Variants in ULK4 observed in about 807,000 individuals in gnomAD.
The protein encoded by ULK4 is inactive serine/threonine-protein kinase ULK4.
ULK4 carries 133 observed loss-of-function variants against 160.6 expected under a neutral mutation model. The observed-to-expected ratio is 0.83, with a 90% CI of 0.72 to 0.96. ULK4 has a LOEUF of 0.96. Among genes scored for constraint, ULK4 ranks in the 40% least tolerant of loss-of-function variants. The pLI is 0.00. For missense variants in ULK4, 1,580 were observed against 1,499.5 expected, an observed-to-expected ratio of 1.05 and a Z score of -0.89; for synonymous variants, 534 against 539.8, an observed-to-expected ratio of 0.99 and a Z score of 0.15.
At chr3:41,299,790 A>G (rs992224401) in intron 35 of ULK4, among the ~76,000 whole-genome samples, 1 of 152,210 alleles carries the variant, frequency 6.6e-6, no homozygotes, top group Non-Finnish European at 1.5e-5. Context: ...ATTTATTATA[A>G]TAATCACTAA....
At chr3:41,611,015 T>C (rs988497461) in intron 31 of ULK4, among the ~76,000 whole-genome samples, 6 of 152,208 alleles carry the variant, frequency 3.9e-5, no homozygotes, top group African/African-American at 1.4e-4. Flanking sequence ...AAGCAACTTA[T>C]ACTCTTTTGA....
intron 22 of ULK4, among the ~76,000 whole-genome samples, chr3:41,721,073 TAAGAA>T (rs2037436948): frequency 1.3e-5 from 2 of 151,680 alleles, no homozygotes; most frequent in African/African-American, 2.4e-5. Flanking sequence ...GATATGTTTT[TAAGAA>T]AATAAGCAAA....
chr3:41,622,220 A>G (rs755173182), intron 30 of ULK4, among the ~76,000 whole-genome samples: 33 of 152,230 alleles, frequency 2.2e-4, no homozygotes, highest in Admixed American at 7.2e-4. Flanking sequence ...TCAAGGATCT[A>G]GAACCAGAAA....
intron 8 of ULK4, chr3:41,915,554 G>C (rs1034475866): frequency 1.2e-5 from 2 of 160,628 alleles, no homozygotes; most frequent in African/African-American, 2.4e-5. Context: ...ATTATGACAG[G>C]AGTGTCATAA....
Position 41,394,418 on chromosome 3 carries a change from C to T in ULK4, c.3678+3661G>A, listed in dbSNP as rs545157431. 3.3e-5 allele frequency among the ~76,000 whole-genome samples: 5 copies of T among 152,174 alleles called. No individual in the cohort carries two copies. The East Asian group carries it at 5.8e-4, about 18-fold the overall frequency. On this transcript the variant is annotated intron_variant, in intron 35 of 36. Coordinates refer to ENST00000301831, the MANE Select transcript of ULK4 (RefSeq NM_017886.4). ...CCAATAAACCCATCATAATGTAAGT[C>T]GAAAATGCATTTAGTACACCTAACC... is the stretch of plus-strand genomic sequence containing the variant.
intron 35 of ULK4, among the ~76,000 whole-genome samples, chr3:41,371,901 A>G (rs1013850227): frequency 1.3e-5 from 2 of 152,010 alleles, no homozygotes. Context: ...CCTTGATAAA[A>G]GGTTAGAGGA....
chr3:41,801,449 T>C (rs2040457449), intron 19 of ULK4, among the ~76,000 whole-genome samples: 1 of 151,766 alleles, frequency 6.6e-6, no homozygotes, highest in African/African-American at 2.4e-5. Context: ...AAACTGGTAA[T>C]TCCAGGTCTC....
At chr3:41,796,750 G>A (rs2040311280) in intron 20 of ULK4, among the ~76,000 whole-genome samples, 1 of 152,066 alleles carries the variant, frequency 6.6e-6, no homozygotes, top group South Asian at 2.1e-4. Flanking sequence ...ATCTAGCTTT[G>A]AATAGTGAGA....
rs1575588427 is a variant in ULK4 at position 41,704,974 on chromosome 3, A to G, written c.2781+83T>C. 6 of 1,048,324 alleles carry G rather than the reference A, an allele frequency of 5.7e-6. No individual in the cohort carries two copies. In the East Asian group the frequency reaches 1.2e-4, roughly 22 times the overall value. The allele number at this position is 1,048,324 out of a possible 1,614,324, so 64.9% of individuals were successfully genotyped here. A position where few individuals can be genotyped will look rare whatever the true frequency, so the allele number is the denominator to read the frequency against. Reference sequence around the variant, plus strand: ...TCATGTGAGGAACACATATGAGCCAAGCACTGTAAACGAGGCCTCTTTATA... The same window carrying G: ...TCATGTGAGGAACACATATGAGCCAGGCACTGTAAACGAGGCCTCTTTATA... On this transcript the variant is annotated intron_variant, in intron 27 of 36. Coordinates refer to ENST00000301831, the MANE Select transcript of ULK4 (RefSeq NM_017886.4).
At chr3:41,794,659 TCAAAA>T (rs1159068185) in intron 20 of ULK4, among the ~76,000 whole-genome samples, 1 of 7,878 alleles carries the variant, frequency 1.3e-4, no homozygotes. Flanking sequence ...AGACTCTGTC[TCAAAA>T]AAAAAAAAAA....
At chr3:41,503,702 T>C (rs2125917748) in intron 32 of ULK4, among the ~76,000 whole-genome samples, 1 of 152,346 alleles carries the variant, frequency 6.6e-6, no homozygotes, top group Non-Finnish European at 1.5e-5. Context: ...ACGTATGTAA[T>C]TAGCATTTAG....
chr3:41,295,220 GT>G (rs1246105636), intron 35 of ULK4, among the ~76,000 whole-genome samples: 13 of 75,786 alleles, frequency 1.7e-4, no homozygotes, highest in South Asian at 4.7e-4. Context: ...TCAAGAAATA[GT>G]GTTGGAACAA....
chr3:41,626,816 G>A (rs1266941124), intron 30 of ULK4, among the ~76,000 whole-genome samples: 3 of 152,098 alleles, frequency 2.0e-5, no homozygotes, highest in Admixed American at 6.5e-5. Flanking sequence ...GTGAGCCACC[G>A]TGCCTGGCCA....
chr3:41,257,949 T>C (rs1002261153), intron 35 of ULK4, among the ~76,000 whole-genome samples: 3 of 152,188 alleles, frequency 2.0e-5, no homozygotes, highest in African/African-American at 2.4e-5. Flanking sequence ...TGAATTTACC[T>C]TGCTAAATTA....
chr3:41,752,921 A>G (rs373080336), intron 22 of ULK4, among the ~76,000 whole-genome samples: 2 of 152,230 alleles, frequency 1.3e-5, no homozygotes, highest in East Asian at 3.9e-4. Flanking sequence ...ATGTCAATAA[A>G]AAACATGTGG....
chr3:41,313,303 G>C (rs769248538), intron 35 of ULK4, among the ~76,000 whole-genome samples: 2 of 152,206 alleles, frequency 1.3e-5, no homozygotes, highest in Non-Finnish European at 2.9e-5. Context: ...TCATATGGTT[G>C]TTGTGAGAAT....
At chr3:41,314,642 AGTG>A (rs2080113870) in intron 35 of ULK4, among the ~76,000 whole-genome samples, 1 of 152,242 alleles carries the variant, frequency 6.6e-6, no homozygotes. Context: ...TAGTGGTAAT[AGTG>A]GTGATGGGGG....
intron 21 of ULK4, among the ~76,000 whole-genome samples, chr3:41,757,896 G>A (rs1256456931): frequency 1.3e-5 from 2 of 151,794 alleles, no homozygotes; most frequent in Non-Finnish European, 2.9e-5. Context: ...CAAAGTGCTG[G>A]GATCACAGGC....
intron 31 of ULK4, among the ~76,000 whole-genome samples, chr3:41,579,680 G>A (rs2030107510): frequency 1.3e-5 from 2 of 151,714 alleles, no homozygotes; most frequent in African/African-American, 4.8e-5. Context: ...TTTTAGTAGA[G>A]ACGGGGTTTC....
Sources: gnomAD v4.1 joint callset for allele counts (sites outside exome capture counted in the v4.1 genomes callset) on GRCh38, gnomAD v4.1.1 for gene constraint, MANE v1.5 for transcripts, NCBI Gene and HGNC (gene_info 2026-07-23, HGNC 2026-07-21) for gene names.